Variants in TENM1 observed in about 807,000 individuals in gnomAD.
TENM1 encodes the protein teneurin-1.
Under a neutral mutation model 174.8 loss-of-function variants are expected in TENM1, and 35 were observed. The ratio of observed to expected loss-of-function variants is 0.20; its 90% CI spans 0.15 to 0.27. The LOEUF is 0.27. Among genes scored for constraint, TENM1 ranks in the 10% least tolerant of loss-of-function variants. The pLI, the probability that TENM1 is intolerant of heterozygous loss-of-function variation, is 1.00. For missense variants in TENM1, 1,633 were observed against 2,130.1 expected, an observed-to-expected ratio of 0.77 and a Z score of 4.59; for synonymous variants, 781 against 798.7, an observed-to-expected ratio of 0.98 and a Z score of 0.37.
At chrX:124,753,922 T>C (rs1158502138) in intron 3 of TENM1, among the ~76,000 whole-genome samples, 2 of 111,877 alleles carry the variant, frequency 1.8e-5, no homozygotes, top group African/African-American at 6.5e-5. Context: ...TGCATCAATA[T>C]TCATCAAGGA....
At chrX:125,183,805 A>G in the TENM1 span, among the ~76,000 whole-genome samples, 1 of 112,257 alleles carries the variant, frequency 8.9e-6, no homozygotes, top group African/African-American at 3.2e-5. Flanking sequence ...CCAACTCACT[A>G]AACCACTTAA....
At chrX:124,788,254 C>A (rs1035972883) in intron 3 of TENM1, among the ~76,000 whole-genome samples, 3 of 111,242 alleles carry the variant, frequency 2.7e-5, no homozygotes, top group African/African-American at 9.8e-5. Context: ...ATAATTCAAT[C>A]ATCTCCCACT....
chrX:125,002,100 G>A, the TENM1 span, among the ~76,000 whole-genome samples: 4 of 111,475 alleles, frequency 3.6e-5, no homozygotes, highest in African/African-American at 1.3e-4. Context: ...TGGATTATAA[G>A]CCCCAGGAAA....
In TENM1 at chrX:124,785,199, T is replaced by A. The variant is rs779568292; in HGVS notation, c.536-48002A>T. On this transcript the variant is annotated intron_variant, in intron 3 of 31. Transcript: ENST00000422452. ...GGAGCCCATTCTAAGTAATAATCTG[T>A]AACTGAGTGGTCAAGTATTTTAGGA... Among the ~76,000 whole-genome samples the A allele has an allele frequency of 8.0e-5, 9 of 111,944 alleles. No individual in the cohort carries two copies. The South Asian group carries it at 3.3e-3, about 42-fold the overall frequency.
the TENM1 span, among the ~76,000 whole-genome samples, chrX:125,075,563 T>C: frequency 9.0e-6 from 1 of 111,499 alleles, no homozygotes; most frequent in Non-Finnish European, 1.9e-5. Context: ...TGGTAGATTT[T>C]AGTATATTCA....
Position 124,636,250 on chromosome X carries a change from A to T in TENM1, c.2077+5541T>A, listed in dbSNP as rs1331723424. On this transcript the variant is annotated intron_variant, in intron 11 of 31. Transcript: ENST00000422452. The stretch of plus-strand genomic sequence containing the variant: ...CTCAATTAAAAGTCTGCACAGTGAG[A>T]TCATCTCGATGGTTAAATATGCTCT... 3.6e-5 allele frequency among the ~76,000 whole-genome samples: 4 copies of T among 112,182 alleles called. No individual in the cohort carries two copies. In the East Asian group the frequency reaches 1.1e-3, roughly 32 times the overall value.
chrX:124,419,201 C>G (rs760073156), intron 25 of TENM1, among the ~76,000 whole-genome samples: 1 of 112,480 alleles, frequency 8.9e-6, no homozygotes, highest in Admixed American at 9.4e-5. Flanking sequence ...AGCTGTCTGG[C>G]TCTTTTGTAC....
At chrX:124,531,126 CTTTTTTTTTTTT>C (rs1189755779) in intron 15 of TENM1, among the ~76,000 whole-genome samples, 1 of 79,181 alleles carries the variant, frequency 1.3e-5, no homozygotes, top group Non-Finnish European at 2.4e-5. Context: ...TCAATACCAC[CTTTTTTTTTTTT>C]TTTTTTTTTT....
chrX:124,594,490 C>T (rs1305867746), intron 11 of TENM1, among the ~76,000 whole-genome samples: 1 of 111,488 alleles, frequency 9.0e-6, no homozygotes, highest in Non-Finnish European at 1.9e-5. Context: ...CAAGGTGCAA[C>T]ATGGTCAGGT....
At chrX:125,131,673 C>G in the TENM1 span, among the ~76,000 whole-genome samples, 1 of 111,517 alleles carries the variant, frequency 9.0e-6, no homozygotes, top group African/African-American at 3.3e-5. Flanking sequence ...TATTTTCTGT[C>G]ATTTTTATAT....
intron 14 of TENM1, among the ~76,000 whole-genome samples, chrX:124,548,003 A>AT (rs1171489772): frequency 1.8e-5 from 2 of 110,712 alleles, no homozygotes; most frequent in Non-Finnish European, 3.8e-5. Context: ...CACCCGGCTA[A>AT]TTTTTTGTAT....
intron 5 of TENM1, among the ~76,000 whole-genome samples, chrX:124,699,415 T>C (rs781601647): frequency 1.2e-4 from 13 of 111,309 alleles, no homozygotes; most frequent in Non-Finnish European, 2.1e-4. Context: ...GTATGAGAAG[T>C]ACTTAGTAGA....
At chrX:124,599,678 T>C (rs2049984542) in intron 11 of TENM1, among the ~76,000 whole-genome samples, 1 of 111,567 alleles carries the variant, frequency 9.0e-6, no homozygotes, top group African/African-American at 3.3e-5. Flanking sequence ...CAAATGGTAC[T>C]GTAAGTCAAG....
the TENM1 span, among the ~76,000 whole-genome samples, chrX:125,106,575 A>C: frequency 9.1e-6 from 1 of 109,750 alleles, no homozygotes; most frequent in Non-Finnish European, 1.9e-5. Flanking sequence ...ACGCCCGGCT[A>C]ATTTTTTGTA....
chrX:124,645,584 C>G (rs1444097066), intron 9 of TENM1, among the ~76,000 whole-genome samples: 1 of 111,938 alleles, frequency 8.9e-6, no homozygotes, highest in Non-Finnish European at 1.9e-5. Context: ...TCACCCTACT[C>G]TTAAACTGTT....
At chrX:124,591,085 A>G (rs774516942) in intron 11 of TENM1, among the ~76,000 whole-genome samples, 1 of 111,635 alleles carries the variant, frequency 9.0e-6, no homozygotes, top group Non-Finnish European at 1.9e-5. Flanking sequence ...TGCATGGTAG[A>G]TCTTTCTCCA....
intron 20 of TENM1, among the ~76,000 whole-genome samples, chrX:124,496,147 T>C: frequency 9.1e-6 from 1 of 110,460 alleles, no homozygotes; most frequent in Admixed American, 9.6e-5. Flanking sequence ...TAAATGATGC[T>C]GGGAAAACTG....
chrX:124,804,531 C>T (rs191713361), intron 3 of TENM1, among the ~76,000 whole-genome samples: 160 of 111,612 alleles, frequency 1.4e-3, no homozygotes, highest in African/African-American at 4.8e-3. Context: ...GTTTTGATTC[C>T]ATTTCCCCCT....
chrX:124,762,990 A>G (rs142035059), intron 3 of TENM1, among the ~76,000 whole-genome samples: 47 of 111,774 alleles, frequency 4.2e-4, no homozygotes, highest in African/African-American at 1.3e-3. Flanking sequence ...TAAATCTGCC[A>G]TTTAACCCTT....
Sources: gnomAD v4.1 joint callset for allele counts (sites outside exome capture counted in the v4.1 genomes callset) on GRCh38, gnomAD v4.1.1 for gene constraint, MANE v1.5 for transcripts, NCBI Gene and HGNC (gene_info 2026-07-23, HGNC 2026-07-21) for gene names.